CPED1: variants seen among roughly 807,000 people sequenced by gnomAD.
CPED1 encodes cadherin like and PC-esterase domain containing 1.
Under a neutral mutation model 128.2 loss-of-function variants are expected in CPED1, and 114 were observed. That is an observed-to-expected ratio of 0.89 (90% CI 0.76 to 1.04). The LOEUF (loss-of-function observed/expected upper bound fraction) is 1.04. Among genes scored for constraint, CPED1 ranks in the 50% least tolerant of loss-of-function variants. The pLI is 0.00. For synonymous variants in CPED1, 462 were observed against 426.7 expected, an observed-to-expected ratio of 1.08 and a Z score of -1.02; for missense variants, 1,211 against 1,207.1, an observed-to-expected ratio of 1.00 and a Z score of -0.05.
chr7:121,113,820 C>G (rs535555527), intron 7 of CPED1, among the ~76,000 whole-genome samples: 21 of 151,992 alleles, frequency 1.4e-4, no homozygotes, highest in African/African-American at 3.6e-4. Flanking sequence ...CAGATATAGT[C>G]TTATTTGAAA....
At chr7:121,204,863 A>G (rs1797483454) in intron 16 of CPED1, among the ~76,000 whole-genome samples, 1 of 152,146 alleles carries the variant, frequency 6.6e-6, no homozygotes, top group South Asian at 2.1e-4. Context: ...AGCTTTATAT[A>G]GCTATTAATG....
At chr7:121,257,177 A>T (rs1791901432) in intron 18 of CPED1, among the ~76,000 whole-genome samples, 1 of 152,008 alleles carries the variant, frequency 6.6e-6, no homozygotes, top group Middle Eastern at 3.2e-3. Context: ...CAATATACTC[A>T]TGCAGCAAAC....
intron 9 of CPED1, 84 bp from the exon 10 acceptor site, chr7:121,127,006 A>T (rs1325384680): frequency 1.9e-6 from 2 of 1,042,090 alleles, no homozygotes; most frequent in Non-Finnish European, 2.7e-6. Flanking sequence ...ATCCAACAGG[A>T]AATAAATCAT....
intron 12 of CPED1, among the ~76,000 whole-genome samples, chr7:121,131,656 T>C (rs1198579740): frequency 6.6e-6 from 1 of 152,024 alleles, no homozygotes; most frequent in Non-Finnish European, 1.5e-5. Context: ...ATAAGAAAAT[T>C]TACTAATGGT....
chr7:121,107,398 CT>C (rs1387223508), intron 7 of CPED1, among the ~76,000 whole-genome samples: 1 of 152,048 alleles, frequency 6.6e-6, no homozygotes, highest in Non-Finnish European at 1.5e-5. Context: ...TTGCCTAAAT[CT>C]TTTTGAAATC....
rs1158743707 is a variant in CPED1, at chr7:121,223,772, G to A, written c.2056-12942G>A. Among the ~76,000 whole-genome samples the A allele has an allele frequency of 2.6e-5, 4 of 152,082 alleles. No individual in the cohort carries two copies. The East Asian group carries it at 7.7e-4, about 29-fold the overall frequency. Reference sequence around the variant, plus strand: ...GAGGTATTTATAGTATTCTCTGATGGTAGTCTGTGTTTCTGTGGGATCGGT... The same window carrying A: ...GAGGTATTTATAGTATTCTCTGATGATAGTCTGTGTTTCTGTGGGATCGGT... On this transcript the variant is annotated intron_variant, in intron 16 of 22. Coordinates refer to ENST00000310396, the MANE Select transcript of CPED1 (RefSeq NM_024913.5).
In CPED1 at chr7:120,989,530, G is replaced by A. The variant is rs1796273878; in HGVS notation, c.-92G>A. 2 of 1,494,164 alleles carry A rather than the reference G, an allele frequency of 1.3e-6. No individual in the cohort carries two copies. The highest frequency in any genetic ancestry group is 1.8e-6 in the Non-Finnish European group (2 of 1,103,462). The allele number at this position is 1,494,164 out of a possible 1,614,324, so 92.6% of individuals were successfully genotyped here. Reference sequence around the variant, plus strand: ...AAACTTGATTGGAGTTGGGGAAAAAGAAGACAGATTAGTATTTTTCATGCT... The same window carrying A: ...AAACTTGATTGGAGTTGGGGAAAAAAAAGACAGATTAGTATTTTTCATGCT... On this transcript the variant is annotated 5_prime_UTR_variant, in exon 2 of 23. Coordinates refer to ENST00000310396, the MANE Select transcript of CPED1 (RefSeq NM_024913.5).
At chr7:121,172,335 T>C (rs1796664848) in intron 16 of CPED1, among the ~76,000 whole-genome samples, 1 of 152,186 alleles carries the variant, frequency 6.6e-6, no homozygotes, top group Admixed American at 6.5e-5. Flanking sequence ...CAAGAGTATT[T>C]TTCTATCTCA....
intron 22 of CPED1, among the ~76,000 whole-genome samples, chr7:121,272,020 C>G (rs913727004): frequency 1.3e-5 from 2 of 152,020 alleles, no homozygotes; most frequent in African/African-American, 4.8e-5. Flanking sequence ...CCTCCCTAAC[C>G]CTTGAATAAA....
At chr7:121,179,141 A>T (rs1563056118) in intron 16 of CPED1, among the ~76,000 whole-genome samples, 1 of 152,056 alleles carries the variant, frequency 6.6e-6, no homozygotes, top group Non-Finnish European at 1.5e-5. Flanking sequence ...ATGATGGGGT[A>T]TGGGTGTTAG....
chr7:121,076,829 G>T (rs928246632), intron 5 of CPED1, among the ~76,000 whole-genome samples: 1 of 152,124 alleles, frequency 6.6e-6, no homozygotes, highest in Non-Finnish European at 1.5e-5. Context: ...AGAAAAAAGT[G>T]AGGGTGTATG....
chr7:121,239,976 G>A, intron 17 of CPED1, among the ~76,000 whole-genome samples: 1 of 152,004 alleles, frequency 6.6e-6, no homozygotes, highest in East Asian at 1.9e-4. Context: ...GTAAAGAGCT[G>A]GTATTATTTA....
At chr7:121,023,672 G>A (rs1792498238) in intron 3 of CPED1, among the ~76,000 whole-genome samples, 1 of 152,106 alleles carries the variant, frequency 6.6e-6, no homozygotes, top group African/African-American at 2.4e-5. Context: ...CACCAGTGTG[G>A]AGCAAATCTG....
Position 121,280,677 on chromosome 7 carries a change from T to TG in CPED1, c.2868+9252dup, listed in dbSNP as rs1441349343. On this transcript the variant is annotated intron_variant, in intron 22 of 22. Transcript: ENST00000310396. ...TTTCATGTGGCCATAATTAAATATTTGGGGGCAAAGGGATGAAATGAAAGA... is the reference window on the plus strand; with the variant it reads ...TTTCATGTGGCCATAATTAAATATTTGGGGGGCAAAGGGATGAAATGAAAGA... 6.6e-5 allele frequency among the ~76,000 whole-genome samples: 10 copies of TG among 152,330 alleles called. No homozygotes were observed. The East Asian group carries it at 1.9e-3, about 29-fold the overall frequency.
intron 16 of CPED1, among the ~76,000 whole-genome samples, chr7:121,180,616 ATATAC>A (rs1563056590): frequency 6.6e-6 from 1 of 151,996 alleles, no homozygotes; most frequent in Non-Finnish European, 1.5e-5. Flanking sequence ...TTCTTCTTTC[ATATAC>A]TATTATTAGC....
Position 121,124,376 on chromosome 7 carries a change from C to A in CPED1, c.964C>A (p.Gln322Lys). ...ATTCCTGAGAGCCAGTTCACCTCAA[C>A]AGGCTTTTGACATTATGAAGGAAGC... The part of the protein sequence containing the change: ...ETFLRASSPQ[Q>K]AFDIMKEAIG... The change falls in exon 8 of 23, where the codon CAG becomes AAG. Residue 322 changes from glutamine to lysine, a missense_variant. Coordinates refer to ENST00000310396, the MANE Select transcript of CPED1 (RefSeq NM_024913.5). 6.2e-7 allele frequency: 1 copy of A among 1,610,110 alleles called. No individual in the cohort carries two copies. Among genetic ancestry groups the A allele is most frequent in the Non-Finnish European group, 8.5e-7 (1 of 1,177,638 alleles).
At chr7:120,999,366 G>A (rs41699) in intron 2 of CPED1, among the ~76,000 whole-genome samples, 118,885 of 151,994 alleles carry the variant, frequency 0.78, 46,880 homozygotes, top group African/African-American at 0.85. Flanking sequence ...TCTCATTGAA[G>A]TCCTTAGCCT....
chr7:121,153,149 G>A (rs1332634173), intron 16 of CPED1, among the ~76,000 whole-genome samples: 1 of 152,032 alleles, frequency 6.6e-6, no homozygotes, highest in African/African-American at 2.4e-5. Context: ...TAGTAGCAAA[G>A]GATAAAGATA....
intron 10 of CPED1, among the ~76,000 whole-genome samples, 199 bp downstream of exon 10, chr7:121,127,456 G>A (rs1358453308): frequency 6.6e-6 from 1 of 151,652 alleles, no homozygotes; most frequent in Non-Finnish European, 1.5e-5. Flanking sequence ...GACTGATTAT[G>A]ATAAAATTAT....
Sources: gnomAD v4.1 joint callset for allele counts (sites outside exome capture counted in the v4.1 genomes callset) on GRCh38, gnomAD v4.1.1 for gene constraint, MANE v1.5 for transcripts, NCBI Gene and HGNC (gene_info 2026-07-23, HGNC 2026-07-21) for gene names.